DENND2A: variants seen among roughly 807,000 people sequenced by gnomAD.
The protein encoded by DENND2A is DENN domain-containing protein 2A.
A neutral mutation model predicts 105.3 loss-of-function variants in DENND2A; 53 were observed. The observed-to-expected ratio is 0.50, with a 90% CI of 0.40 to 0.63. The LOEUF is 0.63. Among genes scored for constraint, DENND2A ranks in the 30% least tolerant of loss-of-function variants. The pLI is 0.00. For synonymous variants in DENND2A, 522 were observed against 508.4 expected (o/e 1.03, Z -0.36); for missense variants, 1,138 against 1,279.6 (o/e 0.89, Z 1.69).
At position 140,602,191 on chromosome 7, in the gene DENND2A, G is replaced by A. The variant is rs757238426; in HGVS notation, c.207C>T (p.Asp69=). ...VPTPAPSRRA[D]GQEDYLPSST... is the part of the protein sequence containing the mutation. Reference sequence around the variant, plus strand: ...AGGACGGCAGATAATCCTCCTGTCCGTCTGCTCTCCTGCTGGGTGCAGGAG... The same window carrying A: ...AGGACGGCAGATAATCCTCCTGTCCATCTGCTCTCCTGCTGGGTGCAGGAG... The change falls in exon 3 of 20, where the codon GAC becomes GAT. Residue 69 remains aspartate, a synonymous_variant. Coordinates refer to ENST00000496613, the MANE Select transcript of DENND2A (RefSeq NM_015689.5). The A allele has an allele frequency of 1.4e-5, 22 of 1,613,930 alleles. No homozygotes were observed. The Middle Eastern group carries it at 4.9e-4, about 36-fold the overall frequency.
chr7:140,576,867 CCA>C (rs1236688337), intron 5 of DENND2A, among the ~76,000 whole-genome samples: 1 of 152,194 alleles, frequency 6.6e-6, no homozygotes, highest in Non-Finnish European at 1.5e-5. Context: ...AATGCTCCTA[CCA>C]TTGCACTGGA....
In DENND2A at chr7:140,568,746, G is replaced by A; in HGVS notation, c.1591+17C>T. The A allele has an allele frequency of 6.2e-7, 1 of 1,613,986 alleles. No homozygotes were observed. Among genetic ancestry groups the A allele is most frequent in the Non-Finnish European group, 8.5e-7 (1 of 1,179,876 alleles). On this transcript the variant is annotated intron_variant, in intron 8 of 19. Transcript: ENST00000496613. ...AAGTCACCTGCCTGAGTCCTGCACA[G>A]TAGTGGCTCTCCTCACCTTTCAGCT...
rs1017642769 is a variant in DENND2A at position 140,556,690 on chromosome 7, CACTT to C, written c.1960-981_1960-978del. Among the ~76,000 whole-genome samples, 126 of 152,294 alleles carry C rather than the reference CACTT, an allele frequency of 8.3e-4. 1 individual carries two copies. The highest frequency in any genetic ancestry group is 2.9e-3 in the African/African-American group (119 of 41,560). ...AATTTGATCAACAAAATTATTATCT[CACTT>C]ACCTTTTTCAATTATCCATGCTTTT... On this transcript the variant is annotated intron_variant, in intron 11 of 19. Transcript: ENST00000496613.
chr7:140,635,799 G>A (rs916257400), intron 1 of DENND2A, among the ~76,000 whole-genome samples: 4 of 152,174 alleles, frequency 2.6e-5, no homozygotes, highest in African/African-American at 4.8e-5. Context: ...AGGTAGAGTC[G>A]CAATTCTAGG....
At chr7:140,545,758 T>G (rs938966643) in intron 13 of DENND2A, among the ~76,000 whole-genome samples, 1 of 152,174 alleles carries the variant, frequency 6.6e-6, no homozygotes, top group Non-Finnish European at 1.5e-5. Context: ...TCTCTTTAAA[T>G]AGCTGCCTCC....
intron 1 of DENND2A, among the ~76,000 whole-genome samples, chr7:140,612,904 C>T (rs1254275923): frequency 1.3e-5 from 2 of 151,856 alleles, no homozygotes; most frequent in African/African-American, 4.8e-5. Context: ...CACCTGAGGT[C>T]AGGAGTTCAA....
chr7:140,555,527 A>T, intron 12 of DENND2A, 109 bp downstream of exon 12: 1 of 878,796 alleles, frequency 1.1e-6, no homozygotes, highest in Non-Finnish European at 1.8e-6. Context: ...GAAGGGAAGT[A>T]GGTAGAGAAT....
intron 14 of DENND2A, among the ~76,000 whole-genome samples, chr7:140,528,467 A>G (rs987821660): frequency 8.5e-5 from 13 of 152,102 alleles, no homozygotes; most frequent in Non-Finnish European, 1.9e-4. Flanking sequence ...CAAAGATGAT[A>G]TGCTAGAGAT....
intron 15 of DENND2A, among the ~76,000 whole-genome samples, chr7:140,526,181 C>T (rs557064321): frequency 6.6e-6 from 1 of 152,234 alleles, no homozygotes; most frequent in Non-Finnish European, 1.5e-5. Flanking sequence ...CTTCCCCCAG[C>T]TGCCCACTTA....
chr7:140,558,633 T>TTG (rs1338369376), intron 10 of DENND2A, among the ~76,000 whole-genome samples: 6 of 141,784 alleles, frequency 4.2e-5, no homozygotes, highest in Non-Finnish European at 9.0e-5. Flanking sequence ...GAGGCAGAGG[T>TTG]AGCAGTGAGC....
intron 12 of DENND2A, among the ~76,000 whole-genome samples, chr7:140,552,175 T>C (rs192303056): frequency 1.1e-4 from 17 of 152,332 alleles, no homozygotes; most frequent in African/African-American, 4.1e-4. Flanking sequence ...TGAGCAGTAA[T>C]GCCTAGTCTG....
chr7:140,590,308 T>C (rs1798961933), intron 3 of DENND2A, among the ~76,000 whole-genome samples: 1 of 152,080 alleles, frequency 6.6e-6, no homozygotes, highest in African/African-American at 2.4e-5. Context: ...GAGAATCGCT[T>C]GAACCGGGGA....
intron 1 of DENND2A, among the ~76,000 whole-genome samples, chr7:140,615,502 A>G (rs539747147): frequency 7.9e-4 from 120 of 151,116 alleles, no homozygotes; most frequent in Middle Eastern, 3.5e-3. Context: ...TCTGCTAACA[A>G]CCAAAGTCTG....
chr7:140,609,603 A>G (rs918356456), intron 1 of DENND2A, among the ~76,000 whole-genome samples: 6 of 152,354 alleles, frequency 3.9e-5, no homozygotes, highest in African/African-American at 1.4e-4. Flanking sequence ...ACAAGAGTTC[A>G]TATATTTTTT....
At chr7:140,639,962 C>G (rs1801123903) in intron 1 of DENND2A, among the ~76,000 whole-genome samples, 1 of 152,248 alleles carries the variant, frequency 6.6e-6, no homozygotes, top group Admixed American at 6.5e-5. Flanking sequence ...CCCAACTCCA[C>G]CCTTGGGGAC....
intron 1 of DENND2A, among the ~76,000 whole-genome samples, chr7:140,628,873 T>C (rs1004536039): frequency 2.0e-5 from 3 of 152,184 alleles, no homozygotes; most frequent in Admixed American, 1.3e-4. Flanking sequence ...TGAGCCAGCA[T>C]TGATCAGTTT....
Position 140,578,416 on chromosome 7 carries a change from G to T in DENND2A, c.1246-4408C>A, listed in dbSNP as rs1161364188. ...CCTGTGGGAGACTACAGGGATCCTT[G>T]ATATAAACTATCCCCATCCCCCTCA... On this transcript the variant is annotated intron_variant, in intron 5 of 19. Transcript: ENST00000496613. 5.3e-5 allele frequency among the ~76,000 whole-genome samples: 8 copies of T among 152,274 alleles called. No individual in the cohort carries two copies. In the East Asian group the frequency reaches 1.5e-3, roughly 29 times the overall value.
At chr7:140,615,359 C>T (rs931880726) in intron 1 of DENND2A, among the ~76,000 whole-genome samples, 1 of 152,156 alleles carries the variant, frequency 6.6e-6, no homozygotes, top group South Asian at 2.1e-4. Flanking sequence ...CACCGGGGGA[C>T]ATATTTGGCA....
In DENND2A at chr7:140,619,093, C is replaced by T. The variant is rs1025348544; in HGVS notation, c.-247-13287G>A. On this transcript the variant is annotated intron_variant, in intron 1 of 19. Coordinates refer to ENST00000496613, the MANE Select transcript of DENND2A (RefSeq NM_015689.5). ...GATTACAGGCATGAGCCACCGCGCC[C>T]GGCCTGATTATATATTTCTATACTT... 3.9e-5 allele frequency among the ~76,000 whole-genome samples: 6 copies of T among 152,146 alleles called. 1 individual carries two copies. Among genetic ancestry groups the T allele is most frequent in the Middle Eastern group, 6.3e-3 (2 of 316 alleles).
Sources: gnomAD v4.1 joint callset for allele counts (sites outside exome capture counted in the v4.1 genomes callset) on GRCh38, gnomAD v4.1.1 for gene constraint, MANE v1.5 for transcripts, NCBI Gene and HGNC (gene_info 2026-07-23, HGNC 2026-07-21) for gene names.